The following CENPC variants were observed in gnomAD, a reference collection of about 807,000 sequenced individuals.
CENPC encodes the protein CENP-C 1.
Under a neutral mutation model 112.1 loss-of-function variants are expected in CENPC, and 63 were observed. The observed-to-expected ratio is 0.56, with a 90% CI of 0.46 to 0.69. CENPC has a LOEUF of 0.69. CENPC is among the 30% of genes least tolerant of loss of function. The pLI is 0.00. For synonymous variants in CENPC, 333 were observed against 367.6 expected, an observed-to-expected ratio of 0.91 and a Z score of 1.08; for missense variants, 1,000 against 1,103.8, an observed-to-expected ratio of 0.91 and a Z score of 1.33.
chr4:67,504,759 A>G (rs1398019575), intron 12 of CENPC, among the ~76,000 whole-genome samples: 2 of 151,960 alleles, frequency 1.3e-5, no homozygotes, highest in Non-Finnish European at 2.9e-5. Context: ...GAGGTGGAGG[A>G]TGCAGTGAGC....
intron 5 of CENPC, among the ~76,000 whole-genome samples, chr4:67,520,896 C>T (rs1486345313): frequency 6.6e-6 from 1 of 152,046 alleles, no homozygotes; most frequent in South Asian, 2.1e-4. Flanking sequence ...CCTGTAATCC[C>T]AGCTACTCGG....
At chr4:67,474,732 C>T (rs1389576559) in intron 18 of CENPC, 156 bp downstream of exon 18, 1 of 630,550 alleles carries the variant, frequency 1.6e-6, no homozygotes, top group East Asian at 3.0e-5. Flanking sequence ...AATGCTAATA[C>T]ACTTACCTAA....
rs768338436 is a variant in CENPC at position 67,512,601 on chromosome 4, C to T, written c.1445-32G>A. ...TAAAGAAAACCATAAAACCAATTCA[C>T]AATCTACTAAAAGAGTTTTCAGAAA... On this transcript the variant is annotated intron_variant, in intron 8 of 18. Transcript: ENST00000273853. The T allele has an allele frequency of 2.1e-6, 3 of 1,431,594 alleles. No homozygotes were observed. In the African/African-American group the frequency reaches 4.4e-5, roughly 21 times the overall value. 88.7% of individuals were successfully genotyped at this position (1,431,594 alleles called of 1,614,324 possible). A position where few individuals can be genotyped will look rare whatever the true frequency, so the allele number is the denominator to read the frequency against.
At position 67,544,355 on chromosome 4, in the gene CENPC, G is replaced by C. The variant is rs547513149; in HGVS notation, c.19-160C>G. On this transcript the variant is annotated intron_variant, in intron 1 of 18. Transcript: ENST00000273853. ...TATGTTATGACATAACATAGGTTAT[G>C]ACAGGCATTTAAAAACTGAACTGCA... Among the ~76,000 whole-genome samples, 95 of 152,264 alleles carry C rather than the reference G, an allele frequency of 6.2e-4. 1 individual carries two copies. The South Asian group carries it at 0.017, about 28-fold the overall frequency.
At chr4:67,478,667 C>CA (rs1560417925) in intron 17 of CENPC, among the ~76,000 whole-genome samples, 14 of 133,792 alleles carry the variant, frequency 1.0e-4, no homozygotes, top group African/African-American at 4.1e-4. Flanking sequence ...CACACACACA[C>CA]CCAAAGTATT....
chr4:67,505,216 T>C lies in CENPC; in HGVS notation c.2120A>G (p.His707Arg), dbSNP rs747761733. 4.4e-6 allele frequency: 7 copies of C among 1,579,462 alleles called. No individual in the cohort carries two copies. Among genetic ancestry groups the C allele is most frequent in the Non-Finnish European group, 6.0e-6 (7 of 1,162,066 alleles). ...GKNDVDDEEVHGSSDDSKQSK... is the reference protein window; with the variant it reads ...GKNDVDDEEVRGSSDDSKQSK... ...AAACAATAGTTTACCTGAACTTCCATGAACTTCCTCATCATCCACATCATT... is the reference window on the plus strand; with the variant it reads ...AAACAATAGTTTACCTGAACTTCCACGAACTTCCTCATCATCCACATCATT... Residue 707 changes from histidine (H) to arginine (R), a missense_variant, in exon 12 of 19, where the codon CAT (histidine) becomes CGT (arginine). Physicochemically the swap from His to Arg is conservative, Grantham distance 29 (BLOSUM62 0). Transcript: ENST00000273853.
chr4:67,486,653 C>T (rs1048663569), intron 17 of CENPC, among the ~76,000 whole-genome samples: 11 of 152,158 alleles, frequency 7.2e-5, no homozygotes, highest in African/African-American at 2.4e-4. Flanking sequence ...TGAGTAGAGG[C>T]CAGGTAAGCT....
At chr4:67,509,204 A>T (rs1725824817) in intron 9 of CENPC, 99 bp from the exon 10 acceptor site, 3 of 543,258 alleles carry the variant, frequency 5.5e-6, no homozygotes, top group Non-Finnish European at 9.4e-6. Flanking sequence ...AAACATATAC[A>T]CATACACACA....
intron 18 of CENPC, chr4:67,474,567 T>C (rs1378197234): frequency 1.5e-5 from 4 of 267,622 alleles, no homozygotes; most frequent in Non-Finnish European, 2.8e-5. Context: ...ATGTGGTGGT[T>C]CGTGCCTGTA....
rs540542209 is a variant in CENPC at position 67,497,175 on chromosome 4, C to T, written c.2132-1963G>A. Among the ~76,000 whole-genome samples, 391 of 151,958 alleles carry T rather than the reference C, an allele frequency of 2.6e-3. 2 individuals carry two copies. The highest frequency in any genetic ancestry group is 8.9e-3 in the African/African-American group (370 of 41,422). Reference sequence around the variant, plus strand: ...CAGGTAGATCAGGAGGTCAGGAGTTCGAGACCAGCCTTACCAACATGGTGA... The same window carrying T: ...CAGGTAGATCAGGAGGTCAGGAGTTTGAGACCAGCCTTACCAACATGGTGA... On this transcript the variant is annotated intron_variant, in intron 12 of 18. Coordinates refer to ENST00000273853, the MANE Select transcript of CENPC (RefSeq NM_001812.4).
intron 11 of CENPC, among the ~76,000 whole-genome samples, chr4:67,506,547 G>A (rs186192844): frequency 6.6e-6 from 1 of 152,036 alleles, no homozygotes; most frequent in African/African-American, 2.4e-5. Flanking sequence ...TTTTATAGGT[G>A]GATTCTCCAG....
At position 67,474,892 on chromosome 4, in the gene CENPC, A is replaced by C. The variant is rs1463170433; in HGVS notation, c.2757T>G (p.Pro919=). The C allele has an allele frequency of 2.6e-6, 4 of 1,552,348 alleles. No homozygotes were observed. Among genetic ancestry groups the C allele is most frequent in the East Asian group, 2.3e-5 (1 of 44,106 alleles). ...ILSTGDSFYV[P]SGNYYNIKNL... is the part of the protein sequence containing the mutation. The stretch of plus-strand genomic sequence containing the variant: ...AAGTGAAATAAATTGTCTTACCTGA[A>C]GGAACATAGAACGAATCCCCAGTAC... Residue 919 remains proline, a synonymous_variant, in exon 18 of 19, where the codon CCT becomes CCG. Coordinates refer to ENST00000273853, the MANE Select transcript of CENPC (RefSeq NM_001812.4).
In CENPC at chr4:67,487,848, C is replaced by A. The variant is rs143430654; in HGVS notation, c.2670+2119G>T. ...CTACTACTCTTCTCTTTTAAATATTCTCTAGCAGTGTTTGAAAGAGAGTTA... is the reference window on the plus strand; with the variant it reads ...CTACTACTCTTCTCTTTTAAATATTATCTAGCAGTGTTTGAAAGAGAGTTA... On this transcript the variant is annotated intron_variant, in intron 17 of 18. Transcript: ENST00000273853. Among the ~76,000 whole-genome samples the A allele has an allele frequency of 2.0e-3, 296 of 151,630 alleles. 12 individuals are homozygous for A. Among genetic ancestry groups the A allele is most frequent in the African/African-American group, 7.0e-3 (287 of 41,154 alleles).
chr4:67,523,923 G>A (rs1008361303), intron 5 of CENPC, among the ~76,000 whole-genome samples: 2 of 151,962 alleles, frequency 1.3e-5, no homozygotes, highest in Admixed American at 1.3e-4. Flanking sequence ...ACCAAAGTAA[G>A]AGCTTCTATT....
At chr4:67,543,185 T>G (rs568923881) in intron 2 of CENPC, among the ~76,000 whole-genome samples, 1 of 152,284 alleles carries the variant, frequency 6.6e-6, no homozygotes, top group South Asian at 2.1e-4. Context: ...CATATCCATT[T>G]TATGGCTCAA....
intron 4 of CENPC, among the ~76,000 whole-genome samples, chr4:67,535,413 A>G (rs1341179412): frequency 6.6e-6 from 1 of 151,826 alleles, no homozygotes; most frequent in Non-Finnish European, 1.5e-5. Flanking sequence ...GACAAAACCT[A>G]TGTGATAGGT....
At chr4:67,473,974 A>G (rs1235500162) in intron 18 of CENPC, among the ~76,000 whole-genome samples, 1 of 152,232 alleles carries the variant, frequency 6.6e-6, no homozygotes, top group Non-Finnish European at 1.5e-5. Flanking sequence ...GTTTAAAATA[A>G]TGTTCTAAAA....
intron 17 of CENPC, among the ~76,000 whole-genome samples, chr4:67,489,378 T>C (rs1478718748): frequency 2.7e-5 from 4 of 147,678 alleles, no homozygotes; most frequent in Non-Finnish European, 3.0e-5. Context: ...TTACATATAA[T>C]AGTATATTAT....
chr4:67,505,113 G>A (rs904931312), intron 12 of CENPC, 92 bp downstream of exon 12: 15 of 854,764 alleles, frequency 1.8e-5, no homozygotes, highest in African/African-American at 8.7e-5. Context: ...ATATACACTC[G>A]CCATCAGTGA....
Sources: allele counts gnomAD v4.1 joint callset (sites outside exome capture counted in the v4.1 genomes callset), GRCh38; gene constraint gnomAD v4.1.1; transcripts MANE v1.5; gene names NCBI Gene and HGNC (gene_info 2026-07-23, HGNC 2026-07-21).